HS1BP3: variants seen among roughly 807,000 people sequenced by gnomAD.
HS1BP3 encodes HCLS1-binding protein 3.
A neutral mutation model predicts 33.5 loss-of-function variants in HS1BP3; 32 were observed. The ratio of observed to expected loss-of-function variants is 0.95; its 90% confidence interval spans 0.72 to 1.28. The LOEUF is 1.28. HS1BP3 is among the 50% of genes most tolerant of loss of function. The probability of loss-of-function intolerance (pLI) is 0.00; values close to 1 mark genes in which losing one functional copy is unlikely to be tolerated. For missense variants in HS1BP3, 486 were observed against 502.3 expected, an observed-to-expected ratio of 0.97 and a Z score of 0.31; for synonymous variants, 187 against 209.2, an observed-to-expected ratio of 0.89 and a Z score of 0.92.
At chr2:20,610,823 C>T (rs143011145) in intron 2 of HS1BP3, among the ~76,000 whole-genome samples, 24 of 152,250 alleles carry the variant, frequency 1.6e-4, no homozygotes, top group African/African-American at 4.6e-4. Context: ...AGATATAATT[C>T]GCGTATAATC....
chr2:20,572,936 T>A (rs1409982419), intron 5 of HS1BP3, among the ~76,000 whole-genome samples: 3 of 152,192 alleles, frequency 2.0e-5, no homozygotes, highest in Non-Finnish European at 2.9e-5. Context: ...GCATAGCCCA[T>A]CACTCTGTGG....
intron 2 of HS1BP3, among the ~76,000 whole-genome samples, chr2:20,608,328 A>C (rs1694243144): frequency 6.6e-6 from 1 of 151,912 alleles, no homozygotes; most frequent in South Asian, 2.1e-4. Flanking sequence ...TAATCCCAGC[A>C]CTTTGGGAGG....
intron 2 of HS1BP3, among the ~76,000 whole-genome samples, chr2:20,641,999 C>T (rs1695366939): frequency 6.6e-6 from 1 of 152,238 alleles, no homozygotes; most frequent in Admixed American, 6.5e-5. Context: ...AGCGAAGTCA[C>T]CTGCTGTATA....
At chr2:20,628,086 G>A (rs11695134) in intron 4 of HS1BP3, among the ~76,000 whole-genome samples, 88,201 of 152,056 alleles carry the variant, frequency 0.58, 26,019 homozygotes, top group East Asian at 0.75. Flanking sequence ...CCCCTCCTCC[G>A]AAGATCTCCT....
chr2:20,599,201 A>G (rs1010354920), intron 2 of HS1BP3, among the ~76,000 whole-genome samples: 3 of 152,254 alleles, frequency 2.0e-5, no homozygotes, highest in African/African-American at 7.2e-5. Flanking sequence ...TGGAACAGGA[A>G]CTGGGACAAG....
At chr2:20,595,722 C>T (rs1558327576) in intron 3 of HS1BP3, among the ~76,000 whole-genome samples, 1 of 152,232 alleles carries the variant, frequency 6.6e-6, no homozygotes, top group South Asian at 2.1e-4. Context: ...GACAACTAGC[C>T]TCAAAGCCAA....
intron 2 of HS1BP3, among the ~76,000 whole-genome samples, chr2:20,612,048 G>C (rs1694328635): frequency 6.6e-6 from 1 of 152,176 alleles, no homozygotes. Context: ...CACATATAAT[G>C]AATACTATGC....
In HS1BP3 at chr2:20,618,768, C is replaced by T; in HGVS notation, c.*219G>A. ...GGGAATAAGACACATTGGGCTCTGG[C>T]TCCTAGGGTGAGAGCCGCTCCCGCA... On this transcript the variant is annotated 3_prime_UTR_variant, in exon 7 of 7. Coordinates refer to ENST00000304031, the MANE Select transcript of HS1BP3 (RefSeq NM_022460.4). The T allele has an allele frequency of 7.2e-7, 1 of 1,385,222 alleles. No individual in the cohort carries two copies. Among genetic ancestry groups the T allele is most frequent in the Middle Eastern group, 1.9e-4 (1 of 5,340 alleles). 85.8% of individuals were successfully genotyped at this position (1,385,222 alleles called of 1,614,324 possible).
At chr2:20,557,284 T>A (rs2149267932), downstream of HS1BP3, among the ~76,000 whole-genome samples, 1 of 152,318 alleles carries the variant, frequency 6.6e-6, no homozygotes, top group East Asian at 1.9e-4. Context: ...CATAAGGGTA[T>A]TTTAGGATGT....
intron 3 of HS1BP3, among the ~76,000 whole-genome samples, chr2:20,596,506 T>A (rs1693946146): frequency 6.6e-6 from 1 of 152,182 alleles, no homozygotes. Flanking sequence ...AAGACAGCAA[T>A]CTGTGAACCA....
chr2:20,618,956 G>A lies in HS1BP3; in HGVS notation c.*31C>T, dbSNP rs1694506125. 1 of 1,599,248 alleles carries A rather than the reference G, an allele frequency of 6.3e-7. No homozygotes were observed. The highest frequency in any genetic ancestry group is 1.3e-5 in the African/African-American group (1 of 74,764). ...TTCACACCGATGTCCCCACAGACAG[G>A]CCTGCTGGGCCAGGGGCCAGCATGG... On this transcript the variant is annotated 3_prime_UTR_variant, in exon 7 of 7. Coordinates refer to ENST00000304031, the MANE Select transcript of HS1BP3 (RefSeq NM_022460.4).
rs774902271 is a variant in HS1BP3, at chr2:20,645,460, C to T, written c.78G>A (p.Gln26=). 6.2e-7 allele frequency: 1 copy of T among 1,613,972 alleles called. No homozygotes were observed. The highest frequency in any genetic ancestry group is 1.1e-5 in the South Asian group (1 of 91,066). The change falls in exon 2 of 7, where the codon CAG becomes CAA. Residue 26 remains glutamine, a synonymous_variant. Coordinates refer to ENST00000304031, the MANE Select transcript of HS1BP3 (RefSeq NM_022460.4). ...TCATCTTGCCCCGTACCTCCTGGTG[C>T]TGGGGCACAGTCAGGTCGAGGCCAG... ...AHTGLDLTVP[Q]HQEVRGKMMS...
intron 3 of HS1BP3, among the ~76,000 whole-genome samples, chr2:20,596,370 A>T (rs1044027241): frequency 9.2e-5 from 14 of 152,224 alleles, no homozygotes; most frequent in African/African-American, 2.9e-4. Context: ...CGCTGGTATT[A>T]GAAGGTGAGG....
intron 4 of HS1BP3, chr2:20,635,170 G>T (rs1157555271): frequency 6.6e-6 from 1 of 152,226 alleles, no homozygotes; most frequent in African/African-American, 2.4e-5. Context: ...TTGCTCTGGG[G>T]CACGTATATA....
intron 4 of HS1BP3, among the ~76,000 whole-genome samples, chr2:20,628,216 G>A (rs915475743): frequency 3.9e-5 from 6 of 152,172 alleles, no homozygotes; most frequent in Admixed American, 1.3e-4. Flanking sequence ...GCAAGAACCT[G>A]TGCTGGGGAC....
At chr2:20,627,653 G>T (rs1202159965) in intron 4 of HS1BP3, among the ~76,000 whole-genome samples, 2 of 152,130 alleles carry the variant, frequency 1.3e-5, no homozygotes, top group African/African-American at 2.4e-5. Context: ...TACAGCACAC[G>T]CGGGCGGCTC....
intron 3 of HS1BP3, among the ~76,000 whole-genome samples, chr2:20,596,929 C>T (rs1160023430): frequency 6.6e-6 from 1 of 152,206 alleles, no homozygotes; most frequent in Non-Finnish European, 1.5e-5. Context: ...GGTGCCATGG[C>T]TCCCTGGACT....
intron 4 of HS1BP3, 135 bp from the exon 5 acceptor site, chr2:20,625,027 G>T (rs1572344146): frequency 9.6e-7 from 1 of 1,046,796 alleles, no homozygotes; most frequent in Non-Finnish European, 1.4e-6. Context: ...AGGCCAGAGG[G>T]ACCAGGGAAG....
At chr2:20,584,789 G>C (rs1034863260) in intron 5 of HS1BP3, among the ~76,000 whole-genome samples, 1 of 152,162 alleles carries the variant, frequency 6.6e-6, no homozygotes, top group Non-Finnish European at 1.5e-5. Flanking sequence ...CACACCACAT[G>C]TCTGTTCACT....
Sources: gnomAD v4.1 joint callset for allele counts (sites outside exome capture counted in the v4.1 genomes callset) on GRCh38, gnomAD v4.1.1 for gene constraint, MANE v1.5 for transcripts, NCBI Gene and HGNC (gene_info 2026-07-23, HGNC 2026-07-21) for gene names.